C9orf85: variants seen among roughly 807,000 people sequenced by gnomAD.
C9orf85 encodes chromosome 9 open reading frame 85, also known as uncharacterized protein C9orf85.
In C9orf85, 16 loss-of-function variants were observed where a neutral mutation model predicts 14.9. The ratio of observed to expected loss-of-function variants is 1.08; its 90% CI spans 0.73 to 1.63. C9orf85 has a LOEUF of 1.63. Among genes scored for constraint, C9orf85 ranks in the 40% most tolerant of loss-of-function variants. The pLI is 0.00. For synonymous variants in C9orf85, 45 were observed against 56.8 expected, an observed-to-expected ratio of 0.79 and a Z score of 0.93; for missense variants, 172 against 186.1, an observed-to-expected ratio of 0.92 and a Z score of 0.44.
chr9:71,964,206 C>T (rs552188660), intron 2 of C9orf85, among the ~76,000 whole-genome samples: 21 of 152,180 alleles, frequency 1.4e-4, no homozygotes, highest in Middle Eastern at 3.4e-3. Flanking sequence ...TTGTGTCTAG[C>T]TTAGGGATTG....
chr9:71,970,761 A>G (rs1822837613), intron 2 of C9orf85, among the ~76,000 whole-genome samples: 1 of 151,966 alleles, frequency 6.6e-6, no homozygotes, highest in African/African-American at 2.4e-5. Flanking sequence ...ATTTTAATAG[A>G]GAGTTCATTG....
intron 2 of C9orf85, among the ~76,000 whole-genome samples, chr9:71,954,112 T>TG (rs1402872467): frequency 1.2e-3 from 28 of 23,428 alleles, no homozygotes; most frequent in Non-Finnish European, 3.6e-3. Flanking sequence ...GACCCCAGCT[T>TG]GGAAAAAAAA....
At chr9:71,985,721 T>G (rs922046877), downstream of C9orf85, 2 of 152,190 alleles carry the variant, frequency 1.3e-5, no homozygotes, top group African/African-American at 4.8e-5. Flanking sequence ...AGCCGACGCC[T>G]AGGTGCTACC....
intron 1 of C9orf85, chr9:71,918,398 G>A (rs1158787816): frequency 4.7e-6 from 6 of 1,283,880 alleles, no homozygotes; most frequent in Non-Finnish European, 6.2e-6. Flanking sequence ...AATTCTAATT[G>A]TCTTTTCATC....
At chr9:71,963,724 C>T (rs2132342424) in intron 2 of C9orf85, among the ~76,000 whole-genome samples, 1 of 152,342 alleles carries the variant, frequency 6.6e-6, no homozygotes, top group South Asian at 2.1e-4. Context: ...CCAGCAGTGC[C>T]AGCCCACTGG....
At chr9:71,941,415 T>C (rs1042567760) in intron 1 of C9orf85, among the ~76,000 whole-genome samples, 5 of 152,142 alleles carry the variant, frequency 3.3e-5, no homozygotes, top group African/African-American at 9.7e-5. Flanking sequence ...CTTGGAGTAA[T>C]AGGAAGTACA....
chr9:71,922,410 G>A (rs533541923), intron 1 of C9orf85, among the ~76,000 whole-genome samples: 3 of 152,272 alleles, frequency 2.0e-5, no homozygotes, highest in African/African-American at 7.2e-5. Flanking sequence ...TAGAGACATA[G>A]TATTGAATAT....
chr9:71,948,818 C>T (rs1016733494), intron 2 of C9orf85, among the ~76,000 whole-genome samples: 1 of 147,924 alleles, frequency 6.8e-6, no homozygotes, highest in South Asian at 2.2e-4. Flanking sequence ...GCCACGCCCC[C>T]CCCCCCCCCT....
At chr9:71,915,020 A>G (rs1393022125) in intron 1 of C9orf85, among the ~76,000 whole-genome samples, 1 of 152,156 alleles carries the variant, frequency 6.6e-6, no homozygotes, top group Non-Finnish European at 1.5e-5. Context: ...CTGGACTAAG[A>G]GAAAAGAGCC....
intron 1 of C9orf85, among the ~76,000 whole-genome samples, chr9:71,933,535 A>C (rs1463053977): frequency 6.6e-6 from 1 of 152,192 alleles, no homozygotes; most frequent in African/African-American, 2.4e-5. Flanking sequence ...TTTTCACTTA[A>C]AGGAACCACT....
chr9:71,917,603 TG>T, intron 1 of C9orf85, among the ~76,000 whole-genome samples: 1 of 152,094 alleles, frequency 6.6e-6, no homozygotes, highest in East Asian at 1.9e-4. Context: ...AGGCATGCAA[TG>T]GAATACTACT....
intron 2 of C9orf85, among the ~76,000 whole-genome samples, chr9:71,968,023 A>T (rs1280676281): frequency 6.6e-6 from 1 of 151,188 alleles, no homozygotes; most frequent in Admixed American, 6.6e-5. Context: ...GCTTTAGTGA[A>T]TTTTTTTTAT....
chr9:71,954,129 A>AAAT (rs1554708361), intron 2 of C9orf85, among the ~76,000 whole-genome samples: 12 of 150,768 alleles, frequency 8.0e-5, no homozygotes, highest in African/African-American at 2.4e-4. Context: ...AAAAAAAAAA[A>AAAT]AGCGTATTTT....
chr9:71,928,877 G>A (rs1450882523), intron 1 of C9orf85, among the ~76,000 whole-genome samples: 1 of 152,102 alleles, frequency 6.6e-6, no homozygotes, highest in Admixed American at 6.6e-5. Flanking sequence ...TTATATTCTT[G>A]TCATCAAAAT....
At chr9:71,946,250 C>G (rs1226219682) in intron 1 of C9orf85, among the ~76,000 whole-genome samples, 2 of 152,190 alleles carry the variant, frequency 1.3e-5, no homozygotes, top group African/African-American at 2.4e-5. Context: ...ACCCCTTCCT[C>G]AAATTTCAGT....
chr9:71,929,339 G>A (rs1042927983), intron 1 of C9orf85, among the ~76,000 whole-genome samples: 17 of 152,134 alleles, frequency 1.1e-4, no homozygotes, highest in South Asian at 2.1e-4. Context: ...ATACCGTACC[G>A]GTTGGACAAG....
downstream of C9orf85, among the ~76,000 whole-genome samples, chr9:71,974,276 G>A (rs536711679): frequency 1.4e-5 from 2 of 139,658 alleles, no homozygotes; most frequent in African/African-American, 2.7e-5. Context: ...ATGGAGTCTC[G>A]CTCTGTTGCC....
chr9:71,975,091 G>A (rs1368462850), downstream of C9orf85, among the ~76,000 whole-genome samples: 1 of 152,072 alleles, frequency 6.6e-6, no homozygotes, highest in Non-Finnish European at 1.5e-5. Flanking sequence ...AATATTACCT[G>A]GGAATACATC....
intron 1 of C9orf85, among the ~76,000 whole-genome samples, chr9:71,944,033 C>G (rs1340173856): frequency 6.6e-6 from 1 of 151,576 alleles, no homozygotes; most frequent in Non-Finnish European, 1.5e-5. Flanking sequence ...GCCAGGAGTT[C>G]GAGACCAGCC....
Sources: gnomAD v4.1 joint callset for allele counts (sites outside exome capture counted in the v4.1 genomes callset) on GRCh38, gnomAD v4.1.1 for gene constraint, MANE v1.5 for transcripts, NCBI Gene and HGNC (gene_info 2026-07-23, HGNC 2026-07-21) for gene names.